Variants in ACMSD observed in about 807,000 individuals in gnomAD.
ACMSD encodes the protein aminocarboxymuconate semialdehyde decarboxylase.
ACMSD carries 37 observed loss-of-function variants against 45.9 expected under a neutral mutation model. The observed-to-expected ratio is 0.81, with a 90% CI of 0.62 to 1.06. The LOEUF is 1.06. Among genes scored for constraint, ACMSD ranks in the 50% least tolerant of loss-of-function variants. ACMSD has a pLI of 0.00. For synonymous variants in ACMSD, 138 were observed against 148.8 expected, an observed-to-expected ratio of 0.93 and a Z score of 0.53; for missense variants, 434 against 420.9, an observed-to-expected ratio of 1.03 and a Z score of -0.27.
chr2:134,864,136 T>C (rs369686814), intron 5 of ACMSD, among the ~76,000 whole-genome samples: 1 of 151,898 alleles, frequency 6.6e-6, no homozygotes, highest in African/African-American at 2.4e-5. Context: ...CCAGGCGTAG[T>C]GCCACACCCC....
chr2:134,872,412 A>C, intron 7 of ACMSD, 57 bp from the exon 8 acceptor site: 1 of 1,600,852 alleles, frequency 6.2e-7, no homozygotes, highest in East Asian at 2.2e-5. Context: ...TAACATCAAG[A>C]CTAAAGGAAT....
At chr2:134,895,729 C>T (rs374145860) in intron 8 of ACMSD, among the ~76,000 whole-genome samples, 21 of 152,086 alleles carry the variant, frequency 1.4e-4, no homozygotes, top group South Asian at 1.0e-3. Flanking sequence ...GGTGTGATGG[C>T]GTGTGCCTGT....
At chr2:134,846,121 G>C (rs1367804037) in intron 2 of ACMSD, among the ~76,000 whole-genome samples, 1 of 152,140 alleles carries the variant, frequency 6.6e-6, no homozygotes, top group Admixed American at 6.5e-5. Flanking sequence ...AAAGCAGGCA[G>C]GGAGGCTTGC....
chr2:134,861,593 G>C (rs545203264), intron 3 of ACMSD, among the ~76,000 whole-genome samples: 5 of 152,268 alleles, frequency 3.3e-5, no homozygotes, highest in Admixed American at 3.3e-4. Flanking sequence ...CTCCTTCTAG[G>C]ATCACTTAGG....
chr2:134,869,645 A>G (rs1222556827), intron 6 of ACMSD, among the ~76,000 whole-genome samples: 2 of 152,134 alleles, frequency 1.3e-5, no homozygotes, highest in Non-Finnish European at 2.9e-5. Flanking sequence ...ATATAGACAC[A>G]AACAAAACCT....
intron 8 of ACMSD, among the ~76,000 whole-genome samples, chr2:134,885,311 AT>A (rs1689302842): frequency 2.0e-5 from 2 of 101,592 alleles, no homozygotes; most frequent in Admixed American, 1.4e-4. Context: ...ATTTAAATAT[AT>A]ATATATAAAT....
At chr2:134,853,321 A>G (rs560639240) in intron 2 of ACMSD, among the ~76,000 whole-genome samples, 1 of 152,302 alleles carries the variant, frequency 6.6e-6, no homozygotes, top group South Asian at 2.1e-4. Flanking sequence ...TAGGTTCCCT[A>G]GGAATCAGAC....
At chr2:134,862,624 T>C (rs1330147223) in intron 4 of ACMSD, among the ~76,000 whole-genome samples, 1 of 152,220 alleles carries the variant, frequency 6.6e-6, no homozygotes, top group Non-Finnish European at 1.5e-5. Context: ...TGTTCATACA[T>C]ACTTCCGTGA....
intron 2 of ACMSD, among the ~76,000 whole-genome samples, chr2:134,856,364 C>T (rs1179533719): frequency 6.6e-6 from 1 of 152,288 alleles, no homozygotes; most frequent in South Asian, 2.1e-4. Context: ...GGAGGCCCAA[C>T]GTAGATGCCA....
At chr2:134,890,578 G>A (rs1184649433) in intron 8 of ACMSD, among the ~76,000 whole-genome samples, 1 of 151,956 alleles carries the variant, frequency 6.6e-6, no homozygotes, top group Non-Finnish European at 1.5e-5. Flanking sequence ...TGTTATCAAT[G>A]TTAAATTTCC....
At chr2:134,895,288 G>A (rs1210142821) in intron 8 of ACMSD, among the ~76,000 whole-genome samples, 1 of 72,024 alleles carries the variant, frequency 1.4e-5, no homozygotes, top group Non-Finnish European at 2.6e-5. Flanking sequence ...GGGCAACAGA[G>A]TGAGACTGCA....
At chr2:134,848,478 G>A (rs1302784893) in intron 2 of ACMSD, among the ~76,000 whole-genome samples, 1 of 152,156 alleles carries the variant, frequency 6.6e-6, no homozygotes, top group Non-Finnish European at 1.5e-5. Context: ...CATTCTAACT[G>A]GCATGAGATG....
intron 8 of ACMSD, among the ~76,000 whole-genome samples, chr2:134,875,137 A>G (rs1300548392): frequency 1.3e-5 from 2 of 152,098 alleles, no homozygotes; most frequent in African/African-American, 4.8e-5. Flanking sequence ...AGTAGCTAGG[A>G]CTACAGGTAC....
chr2:134,864,347 C>A (rs1687994727), intron 5 of ACMSD, among the ~76,000 whole-genome samples: 1 of 151,676 alleles, frequency 6.6e-6, no homozygotes, highest in Non-Finnish European at 1.5e-5. Context: ...AAGAAATTAT[C>A]GAAAATACAG....
intron 8 of ACMSD, among the ~76,000 whole-genome samples, chr2:134,873,961 C>G (rs1688601432): frequency 6.6e-6 from 1 of 152,188 alleles, no homozygotes; most frequent in African/African-American, 2.4e-5. Flanking sequence ...TACATCCCAT[C>G]AAGCCTAGTA....
At chr2:134,872,261 TTC>T (rs1385815260) in intron 7 of ACMSD, among the ~76,000 whole-genome samples, 1 of 152,200 alleles carries the variant, frequency 6.6e-6, no homozygotes, top group African/African-American at 2.4e-5. Flanking sequence ...CTGGCCTGTC[TTC>T]TCTCTTTAAG....
At chr2:134,872,344 C>A in intron 7 of ACMSD, 125 bp from the exon 8 acceptor site, 3 of 1,019,362 alleles carry the variant, frequency 2.9e-6, no homozygotes, top group South Asian at 3.2e-5. Flanking sequence ...GCATTCAGAA[C>A]ACAATAGGTC....
chr2:134,838,958 C>T (rs1285531053), intron 1 of ACMSD, among the ~76,000 whole-genome samples: 1 of 151,984 alleles, frequency 6.6e-6, no homozygotes, highest in African/African-American at 2.4e-5. Context: ...TCTCAGAAAC[C>T]CTTTTTTCCC....
intron 2 of ACMSD, among the ~76,000 whole-genome samples, chr2:134,853,731 C>T (rs1419135617): frequency 1.3e-5 from 2 of 152,038 alleles, no homozygotes; most frequent in African/African-American, 2.4e-5. Flanking sequence ...GAACTGGGGG[C>T]TTATTATACG....
Sources: gnomAD v4.1 joint callset for allele counts (sites outside exome capture counted in the v4.1 genomes callset) on GRCh38, gnomAD v4.1.1 for gene constraint, MANE v1.5 for transcripts, NCBI Gene and HGNC (gene_info 2026-07-23, HGNC 2026-07-21) for gene names.